Variants in ZBTB44 observed in about 807,000 individuals in gnomAD.
The protein encoded by ZBTB44 is zinc finger and BTB domain-containing protein 44.
ZBTB44 carries 15 observed loss-of-function variants against 54.0 expected under a neutral mutation model. The ratio of observed to expected loss-of-function variants is 0.28; its 90% CI spans 0.19 to 0.43. The LOEUF is 0.43. Among genes scored for constraint, ZBTB44 ranks in the 20% least tolerant of loss-of-function variants. ZBTB44 has a pLI of 1.00. For missense variants in ZBTB44, 487 were observed against 707.1 expected (o/e 0.69, Z 3.53); for synonymous variants, 230 against 250.1 (o/e 0.92, Z 0.76).
At chr11:130,272,372 A>C (rs1429451476) in intron 1 of ZBTB44, among the ~76,000 whole-genome samples, 3 of 152,216 alleles carry the variant, frequency 2.0e-5, no homozygotes, top group African/African-American at 7.2e-5. Flanking sequence ...GATAAGTAAC[A>C]ATGTTGAGCA....
rs1454394809 is a variant in ZBTB44, at chr11:130,229,660, T to A, written c.*2104A>T. On this transcript the variant is annotated 3_prime_UTR_variant, in exon 8 of 8. Transcript: ENST00000357899. ...TTTTAATATTCCTCATAGACATGTT[T>A]GCCACAACAGAGCTTCCTTGTTACC... 1 of 152,190 alleles carries A rather than the reference T, an allele frequency of 6.6e-6. No individual in the cohort carries two copies. The highest frequency in any genetic ancestry group is 2.4e-5 in the African/African-American group (1 of 41,462). The allele number at this position is 152,190 out of a possible 1,614,324, so 9.4% of individuals were successfully genotyped here.
At chr11:130,267,705 T>A (rs1939355973) in intron 1 of ZBTB44, among the ~76,000 whole-genome samples, 1 of 151,988 alleles carries the variant, frequency 6.6e-6, no homozygotes, top group African/African-American at 2.4e-5. Flanking sequence ...AGCAATCAAC[T>A]CTGATTTTGA....
intron 1 of ZBTB44, among the ~76,000 whole-genome samples, chr11:130,284,408 A>C (rs1375975650): frequency 6.6e-6 from 1 of 152,230 alleles, no homozygotes; most frequent in Non-Finnish European, 1.5e-5. Flanking sequence ...GTACCTCAAC[A>C]AACATTTACT....
intron 1 of ZBTB44, among the ~76,000 whole-genome samples, chr11:130,306,626 C>T (rs948801439): frequency 4.6e-5 from 7 of 152,188 alleles, no homozygotes; most frequent in Admixed American, 2.6e-4. Context: ...TACAGCAGCA[C>T]AATTCACAAT....
intron 2 of ZBTB44, 145 bp from the exon 3 acceptor site, chr11:130,240,041 ATTTTTTT>A: frequency 1.9e-5 from 6 of 321,408 alleles, no homozygotes; most frequent in Non-Finnish European, 3.4e-5. Flanking sequence ...AGTGTTCTAC[ATTTTTTT>A]TTTTTTTTTT....
At chr11:130,296,005 C>T in intron 1 of ZBTB44, 6 of 1,562,978 alleles carry the variant, frequency 3.8e-6, no homozygotes, top group Non-Finnish European at 3.5e-6. Context: ...GCAGAATATC[C>T]CAGGGTTTAT....
intron 1 of ZBTB44, among the ~76,000 whole-genome samples, chr11:130,288,037 T>C (rs934174238): frequency 3.3e-5 from 5 of 151,950 alleles, no homozygotes; most frequent in South Asian, 4.1e-4. Context: ...GTCTGGCTTA[T>C]TGGAAATCAG....
chr11:130,312,607 G>A (rs1240420536), intron 1 of ZBTB44, among the ~76,000 whole-genome samples: 2 of 152,066 alleles, frequency 1.3e-5, no homozygotes, highest in African/African-American at 2.4e-5. Context: ...GGTCAATTAC[G>A]TGTCAGAAAA....
intron 1 of ZBTB44, among the ~76,000 whole-genome samples, chr11:130,309,980 T>G (rs1372485800): frequency 2.6e-5 from 4 of 151,976 alleles, no homozygotes; most frequent in African/African-American, 7.3e-5. Flanking sequence ...ATGATTTAAG[T>G]AAAAGCTACA....
intron 1 of ZBTB44, among the ~76,000 whole-genome samples, chr11:130,306,859 T>A (rs149143565): frequency 6.1e-4 from 92 of 152,044 alleles, no homozygotes; most frequent in African/African-American, 2.1e-3. Flanking sequence ...CAAAAGCATA[T>A]GAAGGATATA....
rs116663791 is a variant in ZBTB44, at chr11:130,263,138, C to A, written c.-56-1209G>T. On this transcript the variant is annotated intron_variant, in intron 1 of 7. Transcript: ENST00000357899. ...TGAGACTGTTCCATGTCAGACTTCA[C>A]AAAAGGATAAGGCATAAATCTCTGT... is the stretch of plus-strand genomic sequence containing the variant. 8.7e-3 allele frequency among the ~76,000 whole-genome samples: 1,319 copies of A among 152,284 alleles called. 9 individuals carry two copies. The highest frequency in any genetic ancestry group is 0.022 in the African/African-American group (894 of 41,552).
chr11:130,235,596 CTA>C (rs1954073008), intron 5 of ZBTB44, among the ~76,000 whole-genome samples: 2 of 151,956 alleles, frequency 1.3e-5, no homozygotes, highest in South Asian at 4.1e-4. Flanking sequence ...CTGCAGTGCA[CTA>C]TGATTGTGTC....
chr11:130,255,795 T>C (rs1386841180), intron 2 of ZBTB44, among the ~76,000 whole-genome samples: 1 of 148,472 alleles, frequency 6.7e-6, no homozygotes, highest in African/African-American at 2.5e-5. Context: ...CTAGAAAATC[T>C]AGACGAAAAT....
intron 1 of ZBTB44, among the ~76,000 whole-genome samples, chr11:130,294,690 GAGC>G (rs1205488678): frequency 6.6e-6 from 1 of 152,046 alleles, no homozygotes; most frequent in Non-Finnish European, 1.5e-5. Flanking sequence ...CGATGACCTT[GAGC>G]AGGACAGAAA....
rs1027895593 is a variant in ZBTB44, at chr11:130,261,964, T to C, written c.-56-35A>G. 2.4e-5 allele frequency: 32 copies of C among 1,360,502 alleles called. No homozygotes were observed. Among genetic ancestry groups the C allele is most frequent in the Non-Finnish European group, 2.7e-5 (28 of 1,030,194 alleles). The allele number at this position is 1,360,502 out of a possible 1,614,324, so 84.3% of individuals were successfully genotyped here. ...ACATAAAATAAAGCATTAATTGATA[T>C]TTTAGTGGTTTAAAATGTGATTTAG... On this transcript the variant is annotated intron_variant, in intron 1 of 7. Coordinates refer to ENST00000357899, the MANE Select transcript of ZBTB44 (RefSeq NM_001301098.2). The surrounding 1 kb of genome is among the most constrained non-coding windows in gnomAD (Gnocchi z 4.8).
chr11:130,263,053 C>T (rs1366637078), intron 1 of ZBTB44, among the ~76,000 whole-genome samples: 5 of 152,104 alleles, frequency 3.3e-5, no homozygotes, highest in African/African-American at 9.7e-5. Context: ...AGAGTAAGAC[C>T]CCGTCTAAAA....
intron 2 of ZBTB44, among the ~76,000 whole-genome samples, chr11:130,251,137 T>G (rs1937967522): frequency 6.6e-6 from 1 of 152,008 alleles, no homozygotes; most frequent in African/African-American, 2.4e-5. Flanking sequence ...GCACGAGAAC[T>G]TCACAAAGCA....
At chr11:130,277,981 C>T (rs1940229910) in intron 1 of ZBTB44, among the ~76,000 whole-genome samples, 1 of 152,170 alleles carries the variant, frequency 6.6e-6, no homozygotes, top group African/African-American at 2.4e-5. Flanking sequence ...GCCATTAATC[C>T]TACAGTGGTT....
intron 1 of ZBTB44, among the ~76,000 whole-genome samples, chr11:130,289,848 T>C (rs1395155122): frequency 6.6e-6 from 1 of 152,190 alleles, no homozygotes; most frequent in East Asian, 1.9e-4. Context: ...ATAACATAAA[T>C]TGAATACCCT....
Sources: gnomAD v4.1 joint callset for allele counts (sites outside exome capture counted in the v4.1 genomes callset) on GRCh38, gnomAD v4.1.1 for gene constraint, Gnocchi (gnomAD v3.1) non-coding constraint, MANE v1.5 for transcripts, NCBI Gene and HGNC (gene_info 2026-07-23, HGNC 2026-07-21) for gene names.